Variants in KIR2DL4 observed in about 807,000 individuals in gnomAD.
KIR2DL4 encodes the protein killer cell immunoglobulin like receptor, two Ig domains and long cytoplasmic tail 4.
KIR2DL4 carries 41 observed loss-of-function variants against 31.0 expected under a neutral mutation model. That is an observed-to-expected ratio of 1.32 (90% CI 1.03 to 1.72). KIR2DL4 has a LOEUF of 1.72. Ranked by LOEUF, KIR2DL4 falls within the 40% of genes most tolerant of loss-of-function variation. KIR2DL4 has a pLI of 0.00. For synonymous variants in KIR2DL4, 164 were observed against 133.6 expected (o/e 1.23, Z -1.57); for missense variants, 438 against 353.7 (o/e 1.24, Z -1.91).
intron 2 of KIR2DL4, among the ~76,000 whole-genome samples, chr19:54,804,199 A>T (rs1421582256): frequency 6.6e-6 from 1 of 150,378 alleles, no homozygotes; most frequent in Non-Finnish European, 1.5e-5. Context: ...TTTCTTCCCC[A>T]TGGCTGAGTT....
chr19:54,805,952 T>A (rs2060490711), exon 4 of KIR2DL4: 1 of 1,603,542 alleles, frequency 6.2e-7, no homozygotes, highest in African/African-American at 1.4e-5. Flanking sequence ...TCCTTCCAGG[T>A]CTATATGAGA....
chr19:54,809,232 G>A lies in KIR2DL4; in HGVS notation c.706+349G>A, dbSNP rs576344643. On this transcript the variant is annotated intron_variant, in intron 5 of 7. Transcript: ENST00000359085. ...AAGGAAGGGGAACATTTTTGAGGGT[G>A]GTGTATTTGTAGAGAAGTTCTACTT... Among the ~76,000 whole-genome samples the A allele has an allele frequency of 7.3e-5, 11 of 150,218 alleles. 1 individual carries two copies. The highest frequency in any genetic ancestry group is 4.6e-4 in the Admixed American group (7 of 15,106).
At chr19:54,805,646 C>T (rs546305156) in intron 3 of KIR2DL4, among the ~76,000 whole-genome samples, 6 of 150,940 alleles carry the variant, frequency 4.0e-5, no homozygotes, top group Non-Finnish European at 8.8e-5. Flanking sequence ...TCTCTCCTGC[C>T]GCCATGTTTG....
chr19:54,808,132 C>T (rs2060635888), intron 4 of KIR2DL4, among the ~76,000 whole-genome samples: 1 of 150,220 alleles, frequency 6.7e-6, no homozygotes, highest in Non-Finnish European at 1.5e-5. Flanking sequence ...TATTTGCTCC[C>T]ATTCTGTGGG....
chr19:54,810,679 C>T (rs561783405), intron 5 of KIR2DL4, among the ~76,000 whole-genome samples: 1,740 of 151,326 alleles, frequency 0.011, 81 homozygotes, highest in African/African-American at 0.04. Flanking sequence ...TGTGGAGAGA[C>T]AGAGAGCACA....
chr19:54,812,838 CA>C (rs1456293383), intron 5 of KIR2DL4, among the ~76,000 whole-genome samples: 3 of 96,722 alleles, frequency 3.1e-5, no homozygotes, highest in Admixed American at 2.2e-4. Flanking sequence ...CCCCCATGAC[CA>C]AAACACCCCT....
intron 2 of KIR2DL4, among the ~76,000 whole-genome samples, chr19:54,804,374 G>A (rs2060367417): frequency 6.6e-6 from 1 of 151,304 alleles, no homozygotes; most frequent in South Asian, 2.1e-4. Context: ...TGACGGTAGG[G>A]GCTGCAGTGT....
intron 6 of KIR2DL4, chr19:54,813,279 A>C (rs1425940444): frequency 6.3e-7 from 1 of 1,598,722 alleles, no homozygotes; most frequent in Non-Finnish European, 8.5e-7. Context: ...GTGCGGAAGC[A>C]GGATGGGAGC....
In KIR2DL4 at chr19:54,814,041, C is replaced by T; in HGVS notation, c.*241C>T. On this transcript the variant is annotated 3_prime_UTR_variant, in exon 8 of 8. Coordinates refer to ENST00000359085, the Ensembl canonical transcript of KIR2DL4. ...CACCACAGTCAGGCCTTGATGGGAT[C>T]TTCTAGGGAGACAACAGCCCTGTCT... 1.2e-5 allele frequency: 20 copies of T among 1,612,248 alleles called. 4 individuals carry two copies. The South Asian group carries it at 2.1e-4, about 17-fold the overall frequency.
In KIR2DL4 at chr19:54,812,904, G is replaced by T. The variant is rs1202471017; in HGVS notation, c.707-221G>T. ...TTAAATTTCAAAGTGGGGTTTGGAGGGGTCAAACATTGAAACAATAGCAGT... is the reference window on the plus strand; with the variant it reads ...TTAAATTTCAAAGTGGGGTTTGGAGTGGTCAAACATTGAAACAATAGCAGT... On this transcript the variant is annotated intron_variant, in intron 5 of 7. Coordinates refer to ENST00000359085, the Ensembl canonical transcript of KIR2DL4. Among the ~76,000 whole-genome samples the T allele has an allele frequency of 2.1e-5, 3 of 144,276 alleles. 1 individual carries two copies. Among genetic ancestry groups the T allele is most frequent in the Non-Finnish European group, 4.5e-5 (3 of 67,064 alleles). 94.7% of individuals were successfully genotyped at this position (144,276 alleles called of 152,430 possible).
At position 54,805,536 on chromosome 19, in the gene KIR2DL4, C is replaced by T. The variant is rs950831560; in HGVS notation, c.362-415C>T. Among the ~76,000 whole-genome samples the T allele has an allele frequency of 2.0e-4, 30 of 151,250 alleles. 1 individual carries two copies. The highest frequency in any genetic ancestry group is 1.6e-3 in the Admixed American group (25 of 15,176). On this transcript the variant is annotated intron_variant, in intron 3 of 7. Transcript: ENST00000359085. ...GAGAAATCAATGGAACTGATTCTCC[C>T]GAGTCTCCAGAGGGAATGCAGCCCT...
At position 54,804,774 on chromosome 19, in the gene KIR2DL4, G is replaced by A. The variant is rs746940177; in HGVS notation, c.77-19G>A. On this transcript the variant is annotated intron_variant, in intron 2 of 7. Coordinates refer to ENST00000359085, the Ensembl canonical transcript of KIR2DL4. The stretch of plus-strand genomic sequence containing the variant: ...GCTCAACATACTCCTCTCTGAGGCG[G>A]CATCTCCTTCTCCCCAAGGTGGTCA... The A allele has an allele frequency of 6.8e-6, 11 of 1,607,796 alleles. No homozygotes were observed. The highest frequency in any genetic ancestry group is 9.3e-6 in the Non-Finnish European group (11 of 1,177,400).
At chr19:54,806,145 C>A (rs1434746757) in exon 4 of KIR2DL4, 1 of 1,611,970 alleles carries the variant, frequency 6.2e-7, no homozygotes, top group Non-Finnish European at 8.5e-7. Flanking sequence ...CCCTCTGGGT[C>A]CTGCCACCCA....
chr19:54,808,437 C>G (rs2060655889), intron 4 of KIR2DL4, among the ~76,000 whole-genome samples: 1 of 151,106 alleles, frequency 6.6e-6, no homozygotes, highest in African/African-American at 2.5e-5. Context: ...GTTTTCCCTG[C>G]ACCATTTATT....
At chr19:54,813,883 G>T (rs1304640178) in exon 8 of KIR2DL4, 3 of 1,612,380 alleles carry the variant, frequency 1.9e-6, no homozygotes, top group Non-Finnish European at 2.5e-6. Context: ...CATACGCACA[G>T]TTGGATCACT....
chr19:54,813,273 G>T (rs775132202), intron 6 of KIR2DL4: 4 of 1,597,864 alleles, frequency 2.5e-6, no homozygotes, highest in African/African-American at 1.4e-5. Context: ...GGCCCTGTGC[G>T]GAAGCAGGAT....
chr19:54,808,909 T>G, intron 5 of KIR2DL4, 26 bp downstream of exon 5: 1 of 1,586,594 alleles, frequency 6.3e-7, no homozygotes, highest in Non-Finnish European at 8.6e-7. Flanking sequence ...CTCTTATCTC[T>G]GCTTTTGGAA....
At chr19:54,806,014 T>C (rs2060498270) in exon 4 of KIR2DL4, 2 of 1,611,064 alleles carry the variant, frequency 1.2e-6, no homozygotes, top group African/African-American at 1.4e-5. Flanking sequence ...GGAGAGAACG[T>C]GACCTTGTCC....
At chr19:54,806,375 G>C in intron 4 of KIR2DL4, 131 bp downstream of exon 4, 1 of 1,076,466 alleles carries the variant, frequency 9.3e-7, no homozygotes. Context: ...GGTGGGATCA[G>C]GGCACAGGAT....
Sources: allele counts gnomAD v4.1 joint callset (sites outside exome capture counted in the v4.1 genomes callset), GRCh38; gene constraint gnomAD v4.1.1; transcripts MANE v1.5; gene names NCBI Gene and HGNC (gene_info 2026-07-23, HGNC 2026-07-21).